Variants in CADPS2 observed in about 807,000 individuals in gnomAD.
CADPS2 encodes calcium-dependent secretion activator 2.
A neutral mutation model predicts 172.5 loss-of-function variants in CADPS2; 93 were observed. The ratio of observed to expected loss-of-function variants is 0.54; its 90% confidence interval spans 0.46 to 0.64. The LOEUF is 0.64. Ranked by LOEUF, CADPS2 falls within the 30% of genes least tolerant of loss-of-function variation. CADPS2 has a pLI of 0.00. For missense variants in CADPS2, 1,420 were observed against 1,565.9 expected (o/e 0.91, Z 1.57); for synonymous variants, 546 against 555.2 (o/e 0.98, Z 0.23).
chr7:122,429,682 T>C (rs938657896), intron 17 of CADPS2, among the ~76,000 whole-genome samples: 1 of 152,134 alleles, frequency 6.6e-6, no homozygotes, highest in African/African-American at 2.4e-5. Flanking sequence ...CCATTGTCGG[T>C]GCCTATGGGA....
At chr7:122,446,247 A>G (rs929748150) in intron 15 of CADPS2, among the ~76,000 whole-genome samples, 1 of 152,070 alleles carries the variant, frequency 6.6e-6, no homozygotes, top group Non-Finnish European at 1.5e-5. Context: ...ATCATATTTT[A>G]CTATTTTTCT....
intron 3 of CADPS2, among the ~76,000 whole-genome samples, chr7:122,641,319 G>A (rs148496470): frequency 1.2e-4 from 19 of 152,218 alleles, no homozygotes; most frequent in African/African-American, 4.6e-4. Flanking sequence ...CAAATATTTA[G>A]TTCAGAAAAT....
chr7:122,820,205 A>C (rs186958208), intron 1 of CADPS2, among the ~76,000 whole-genome samples: 2,464 of 152,108 alleles, frequency 0.016, 66 homozygotes, highest in African/African-American at 0.056. Context: ...TTGCACCCTT[A>C]ATCCCAGCCT....
At chr7:122,463,929 GAGA>G (rs1178222602) in intron 14 of CADPS2, among the ~76,000 whole-genome samples, 2 of 152,146 alleles carry the variant, frequency 1.3e-5, no homozygotes, top group African/African-American at 2.4e-5. Context: ...ATTCCAGTTG[GAGA>G]CGTCAGTATG....
At position 122,395,102 on chromosome 7, in the gene CADPS2, G is replaced by A. The variant is rs75550702; in HGVS notation, c.2747-1520C>T. 3.1e-3 allele frequency among the ~76,000 whole-genome samples: 473 copies of A among 152,238 alleles called. 1 individual carries two copies. Among genetic ancestry groups the A allele is most frequent in the Non-Finnish European group, 5.2e-3 (353 of 68,022 alleles). On this transcript the variant is annotated intron_variant, in intron 20 of 29. Transcript: ENST00000449022. The stretch of plus-strand genomic sequence containing the variant: ...ACAACTTCCCACATTATCTTCTTCA[G>A]AGCAAAAACATCCCAAAAGCCTAAT...
intron 1 of CADPS2, among the ~76,000 whole-genome samples, chr7:122,830,653 A>G (rs879686230): frequency 1.3e-5 from 2 of 152,246 alleles, no homozygotes; most frequent in Non-Finnish European, 1.5e-5. Context: ...TCAATTTTCT[A>G]TCTCATAGGT....
chr7:122,832,968 T>C (rs1807060694), intron 1 of CADPS2, among the ~76,000 whole-genome samples: 1 of 152,224 alleles, frequency 6.6e-6, no homozygotes. Flanking sequence ...ACATTTCTCG[T>C]CTTTAACTGC....
chr7:122,569,063 T>G (rs917175350), intron 7 of CADPS2, among the ~76,000 whole-genome samples: 1 of 152,076 alleles, frequency 6.6e-6, no homozygotes, highest in Non-Finnish European at 1.5e-5. Context: ...AGAAAGTGTA[T>G]CCAATTAGGA....
chr7:122,865,756 C>T (rs1227836204), intron 1 of CADPS2, among the ~76,000 whole-genome samples: 1 of 152,224 alleles, frequency 6.6e-6, no homozygotes, highest in Admixed American at 6.5e-5. Flanking sequence ...GAAATGTAGA[C>T]TTCAACCACA....
Position 122,513,157 on chromosome 7 carries a change from A to G in CADPS2, c.1542+92T>C. 4 of 828,844 alleles carry G rather than the reference A, an allele frequency of 4.8e-6. No homozygotes were observed. The South Asian group carries it at 6.6e-5, about 14-fold the overall frequency. The allele number at this position is 828,844 out of a possible 1,614,324, so 51.3% of individuals were successfully genotyped here. A position where few individuals can be genotyped will look rare whatever the true frequency, so the allele number is the denominator to read the frequency against. Reference sequence around the variant, plus strand: ...GTGGCTTAAACATATTTTAATTTCTAAAACAGTAAATTTTGATAGATATAA... The same window carrying G: ...GTGGCTTAAACATATTTTAATTTCTGAAACAGTAAATTTTGATAGATATAA... On this transcript the variant is annotated intron_variant, in intron 9 of 29. Coordinates refer to ENST00000449022, the MANE Select transcript of CADPS2 (RefSeq NM_017954.11).
In CADPS2 at chr7:122,379,420, T is replaced by C. The variant is rs2151350011; in HGVS notation, c.3335A>G (p.Asp1112Gly). Reference protein sequence around the residue: ...GQEQQYHSKIDDLIDNSVKEI... With the variant: ...GQEQQYHSKIGDLIDNSVKEI... ...TTTTACACTGTTGTCGATCAGATCA[T>C]CTATTTTTGAATGGTACTGTTGCTA... Residue 1112 changes from aspartate to glycine, a missense_variant, in exon 25 of 30, where the codon GAT (aspartate) becomes GGT (glycine). Coordinates refer to ENST00000449022, the MANE Select transcript of CADPS2 (RefSeq NM_017954.11). The C allele has an allele frequency of 1.2e-6, 2 of 1,604,128 alleles. No individual in the cohort carries two copies. Among genetic ancestry groups the C allele is most frequent in the Non-Finnish European group, 1.7e-6 (2 of 1,172,850 alleles).
At chr7:122,399,761 A>ACTG (rs1414402774) in intron 20 of CADPS2, among the ~76,000 whole-genome samples, 2 of 128,704 alleles carry the variant, frequency 1.6e-5, no homozygotes, top group African/African-American at 3.0e-5. Context: ...ATCTCGGCTC[A>ACTG]CTGCAAGCTC....
intron 2 of CADPS2, among the ~76,000 whole-genome samples, chr7:122,693,164 C>CA (rs561101338): frequency 3.9e-3 from 600 of 152,302 alleles, no homozygotes; most frequent in Non-Finnish European, 5.1e-3. Flanking sequence ...ATGTGACACT[C>CA]AAAGCTCCTT....
At chr7:122,833,092 T>G (rs1807101703) in intron 1 of CADPS2, among the ~76,000 whole-genome samples, 1 of 152,174 alleles carries the variant, frequency 6.6e-6, no homozygotes, top group African/African-American at 2.4e-5. Context: ...TACTAACATC[T>G]TCATATTTCC....
At chr7:122,835,534 G>C (rs1380033734) in intron 1 of CADPS2, among the ~76,000 whole-genome samples, 2 of 152,114 alleles carry the variant, frequency 1.3e-5, no homozygotes, top group African/African-American at 2.4e-5. Context: ...TAAAAACCTT[G>C]AAAAAAGATT....
chr7:122,718,700 A>G (rs556904055), intron 2 of CADPS2, among the ~76,000 whole-genome samples: 53 of 152,266 alleles, frequency 3.5e-4, no homozygotes, highest in Admixed American at 2.2e-3. Flanking sequence ...GCATTACAAC[A>G]CAACACTTAA....
intron 1 of CADPS2, among the ~76,000 whole-genome samples, chr7:122,763,210 T>C (rs1314393263): frequency 6.6e-6 from 1 of 152,108 alleles, no homozygotes; most frequent in African/African-American, 2.4e-5. Flanking sequence ...GCATAGCAAC[T>C]CCCAATTGCA....
At chr7:122,641,045 G>T (rs2077587047) in intron 3 of CADPS2, among the ~76,000 whole-genome samples, 2 of 151,884 alleles carry the variant, frequency 1.3e-5, no homozygotes, top group South Asian at 2.1e-4. Flanking sequence ...GAGATCAGAG[G>T]TAAGGCTTCA....
intron 22 of CADPS2, among the ~76,000 whole-genome samples, chr7:122,389,184 T>C (rs936667235): frequency 6.6e-6 from 1 of 152,092 alleles, no homozygotes; most frequent in Non-Finnish European, 1.5e-5. Context: ...TTTCTGTCTA[T>C]CTACACGTGT....
Sources: allele counts gnomAD v4.1 joint callset (sites outside exome capture counted in the v4.1 genomes callset), GRCh38; gene constraint gnomAD v4.1.1; transcripts MANE v1.5; gene names NCBI Gene and HGNC (gene_info 2026-07-23, HGNC 2026-07-21).